The following BDP1 variants were observed in gnomAD, a reference collection of about 807,000 sequenced individuals.
BDP1 encodes BDP1 general transcription factor IIIB subunit.
A neutral mutation model predicts 266.6 loss-of-function variants in BDP1; 169 were observed. The ratio of observed to expected loss-of-function variants is 0.63; its 90% confidence interval spans 0.56 to 0.72. The LOEUF is 0.72. Ranked by LOEUF, BDP1 falls within the 30% of genes least tolerant of loss-of-function variation. The pLI is 0.00. For synonymous variants in BDP1, 1,090 were observed against 1,022.4 expected (o/e 1.07, Z -1.26); for missense variants, 3,015 against 3,053.8 (o/e 0.99, Z 0.30).
intron 33 of BDP1, 24 bp downstream of exon 33, chr5:71,548,769 A>C: frequency 1.3e-6 from 2 of 1,493,602 alleles, no homozygotes; most frequent in Non-Finnish European, 1.9e-6. Context: ...CTTCAGTGAC[A>C]TGTCATAGAA....
chr5:71,551,229 C>T (rs964440461), intron 34 of BDP1, among the ~76,000 whole-genome samples: 13 of 151,982 alleles, frequency 8.6e-5, no homozygotes, highest in African/African-American at 2.9e-4. Flanking sequence ...GAACAAAGGT[C>T]TCTGGTTTTC....
At chr5:71,564,488 C>T (rs902626686) in intron 38 of BDP1, among the ~76,000 whole-genome samples, 2 of 151,712 alleles carry the variant, frequency 1.3e-5, no homozygotes, top group African/African-American at 2.4e-5. Context: ...TATTTAGTTG[C>T]TTCCTATTTT....
chr5:71,544,477 G>T lies in BDP1; in HGVS notation c.6533G>T (p.Ser2178Ile). ...TGTGTACATGGTATCAAAGGGACCA[G>T]TATTTCTTCAGAAGTAAACCTAACT... ...LACVHGIKGTSISSEVNLTER... is the reference protein window; with the variant it reads ...LACVHGIKGTIISSEVNLTER... The change falls in exon 31 of 39, where the codon AGT becomes ATT. Residue 2178 changes from serine to isoleucine, a missense_variant. By Grantham distance (142) the Ser-to-Ile change is moderately radical (BLOSUM62 -2). Coordinates refer to ENST00000358731, the MANE Select transcript of BDP1 (RefSeq NM_018429.3). 6.2e-7 allele frequency: 1 copy of T among 1,613,410 alleles called. No homozygotes were observed. Among genetic ancestry groups the T allele is most frequent in the Middle Eastern group, 1.7e-4 (1 of 6,056 alleles).
At chr5:71,523,828 G>A (rs1206084921) in intron 24 of BDP1, 111 bp from the exon 25 acceptor site, 1 of 1,073,434 alleles carries the variant, frequency 9.3e-7, no homozygotes, top group East Asian at 2.4e-5. Context: ...ATGGGTGGTG[G>A]GAATTTTCAT....
rs375031408 is a variant in BDP1, at chr5:71,556,905, C to T, written c.7220C>T (p.Thr2407Ile). Residue 2407 changes from threonine to isoleucine, a missense_variant, in exon 36 of 39, where the codon ACA becomes ATA. Thr to Ile is a moderately conservative substitution (Grantham distance 89, BLOSUM62 -1). Around this residue, in one of 3 missense-constraint regions of BDP1, gnomAD observed 629 missense variants for 632.5 expected, o/e 0.99. Coordinates refer to ENST00000358731, the MANE Select transcript of BDP1 (RefSeq NM_018429.3). ...AAATAGGTGCACTCAAAGGAATTAACAAATGTTTTTGAGGAAACAGGTAAG... is the reference window on the plus strand; with the variant it reads ...AAATAGGTGCACTCAAAGGAATTAATAAATGTTTTTGAGGAAACAGGTAAG... ...YTTEVHSKEL[T>I]NVFEETGESH... 6.9e-7 allele frequency: 1 copy of T among 1,456,108 alleles called. No homozygotes were observed. Among genetic ancestry groups the T allele is most frequent in the Non-Finnish European group, 9.2e-7 (1 of 1,090,690 alleles). 90.2% of individuals were successfully genotyped at this position (1,456,108 alleles called of 1,614,324 possible).
intron 5 of BDP1, among the ~76,000 whole-genome samples, chr5:71,466,588 C>T (rs541415149): frequency 6.6e-6 from 1 of 152,058 alleles, no homozygotes; most frequent in Admixed American, 6.6e-5. Flanking sequence ...AAGAGCATAT[C>T]CTGGTGTGTG....
At chr5:71,522,187 A>C in intron 22 of BDP1, 102 bp from the exon 23 acceptor site, 1 of 865,934 alleles carries the variant, frequency 1.2e-6, no homozygotes, top group Non-Finnish European at 1.8e-6. Flanking sequence ...AGTCCTTTGA[A>C]CATAGAATTG....
chr5:71,461,008 G>A (rs1022774828), intron 2 of BDP1, among the ~76,000 whole-genome samples: 2 of 152,080 alleles, frequency 1.3e-5, no homozygotes, highest in African/African-American at 4.8e-5. Flanking sequence ...TTGAGACAAG[G>A]TCTCACTGTC....
chr5:71,506,821 A>ACC lies in BDP1; in HGVS notation c.2372+2071_2372+2072insCC, dbSNP rs1408049154. ...CACACACACACACACACACACACAC[A>ACC]CACCCATATTTTTTTAAAGACAAGG... is the stretch of plus-strand genomic sequence containing the variant. On this transcript the variant is annotated intron_variant, in intron 16 of 38. Coordinates refer to ENST00000358731, the MANE Select transcript of BDP1 (RefSeq NM_018429.3). 6.5e-3 allele frequency among the ~76,000 whole-genome samples: 483 copies of ACC among 74,868 alleles called. 13 individuals carry two copies. The highest frequency in any genetic ancestry group is 0.03 in the Admixed American group (151 of 5,062). The allele number at this position is 74,868 out of a possible 152,430, so 49.1% of individuals were successfully genotyped here. A position where few individuals can be genotyped will look rare whatever the true frequency, so the allele number is the denominator to read the frequency against.
intron 9 of BDP1, among the ~76,000 whole-genome samples, chr5:71,487,048 T>C (rs897938854): frequency 6.6e-6 from 1 of 152,220 alleles, no homozygotes; most frequent in African/African-American, 2.4e-5. Flanking sequence ...TGAAGGCTAA[T>C]GTTGAGTTGT....
rs377130997 is a variant in BDP1, at chr5:71,470,595, T to G, written c.1014+106T>G. 4,748 of 765,428 alleles carry G rather than the reference T, an allele frequency of 6.2e-3. 99 individuals are homozygous for G. Among genetic ancestry groups the G allele is most frequent in the South Asian group, 0.039 (1,999 of 51,282 alleles). 47.4% of individuals were successfully genotyped at this position (765,428 alleles called of 1,614,324 possible). Reference sequence around the variant, plus strand: ...GTTTAAATCTTAGTTCATCTTTTTTTTTTTTTTCATTGAGACAGAGTTTCA... The same window carrying G: ...GTTTAAATCTTAGTTCATCTTTTTTGTTTTTTTCATTGAGACAGAGTTTCA... On this transcript the variant is annotated intron_variant, in intron 7 of 38. Transcript: ENST00000358731.
intron 26 of BDP1, among the ~76,000 whole-genome samples, chr5:71,535,987 A>G (rs1051367066): frequency 6.6e-6 from 1 of 152,188 alleles, no homozygotes; most frequent in Non-Finnish European, 1.5e-5. Flanking sequence ...ATATCTTTCT[A>G]GGGGACACAA....
intron 26 of BDP1, among the ~76,000 whole-genome samples, chr5:71,532,767 T>A (rs1359052248): frequency 6.6e-6 from 1 of 152,246 alleles, no homozygotes; most frequent in Admixed American, 6.5e-5. Flanking sequence ...AAATTGTAAC[T>A]TTTTAAAAAC....
chr5:71,492,737 A>T (rs963375997), intron 11 of BDP1, among the ~76,000 whole-genome samples: 1 of 152,168 alleles, frequency 6.6e-6, no homozygotes, highest in Non-Finnish European at 1.5e-5. Flanking sequence ...TTTTAGTTCA[A>T]TGTAGTCCCA....
At position 71,463,857 on chromosome 5, in the gene BDP1, C is replaced by G. The variant is rs530182202; in HGVS notation, c.600-201C>G. Among the ~76,000 whole-genome samples the G allele has an allele frequency of 2.0e-5, 3 of 150,420 alleles. No individual in the cohort carries two copies. In the East Asian group the frequency reaches 5.9e-4, roughly 29 times the overall value. On this transcript the variant is annotated intron_variant, in intron 3 of 38. Coordinates refer to ENST00000358731, the MANE Select transcript of BDP1 (RefSeq NM_018429.3). Reference sequence around the variant, plus strand: ...AAAAAAAAAAAAAAAGTATTCTTTACTTAGGACCTAACAAATTATTTGTAT... The same window carrying G: ...AAAAAAAAAAAAAAAGTATTCTTTAGTTAGGACCTAACAAATTATTTGTAT...
intron 20 of BDP1, 136 bp from the exon 21 acceptor site, chr5:71,515,925 G>C (rs1765191045): frequency 1.7e-6 from 1 of 604,240 alleles, no homozygotes; most frequent in Admixed American, 3.2e-5. Flanking sequence ...TTTATAATCA[G>C]AAAGCAATTT....
chr5:71,525,440 G>T (rs1465246919), intron 25 of BDP1, among the ~76,000 whole-genome samples: 3 of 137,050 alleles, frequency 2.2e-5, no homozygotes, highest in African/African-American at 8.0e-5. Context: ...CGGGCGGGGG[G>T]CTGACACCCC....
intron 9 of BDP1, among the ~76,000 whole-genome samples, chr5:71,487,929 A>C (rs183219605): frequency 1.3e-5 from 2 of 152,356 alleles, no homozygotes; most frequent in Non-Finnish European, 2.9e-5. Context: ...AAGCCTGCAA[A>C]ATTAACTCTT....
At chr5:71,484,826 A>G (rs747031743) in intron 8 of BDP1, among the ~76,000 whole-genome samples, 1 of 152,090 alleles carries the variant, frequency 6.6e-6, no homozygotes, top group Non-Finnish European at 1.5e-5. Flanking sequence ...GATTAGCCAT[A>G]GTGCTAATTT....
Sources: allele counts gnomAD v4.1 joint callset (sites outside exome capture counted in the v4.1 genomes callset), GRCh38; gene constraint gnomAD v4.1.1; regional missense constraint gnomAD v4.1.1; transcripts MANE v1.5; gene names NCBI Gene and HGNC (gene_info 2026-07-23, HGNC 2026-07-21).